Variants in RABGAP1L observed in about 807,000 individuals in gnomAD.
The protein encoded by RABGAP1L is rab GTPase-activating protein 1-like.
Under a neutral mutation model 137.7 loss-of-function variants are expected in RABGAP1L, and 63 were observed. The observed-to-expected ratio is 0.46, with a 90% confidence interval of 0.37 to 0.56. The LOEUF (loss-of-function observed/expected upper bound fraction) is 0.56. Among genes scored for constraint, RABGAP1L ranks in the 20% least tolerant of loss-of-function variants. RABGAP1L has a pLI of 0.00. For synonymous variants in RABGAP1L, 431 were observed against 433.7 expected (o/e 0.99, Z 0.08); for missense variants, 1,095 against 1,244.0 (o/e 0.88, Z 1.80).
At chr1:174,394,295 C>CA (rs1647549077) in intron 13 of RABGAP1L, 150 bp downstream of exon 13, 1 of 858,718 alleles carries the variant, frequency 1.2e-6, no homozygotes, top group Admixed American at 3.0e-5. Flanking sequence ...TTGTTCTGAA[C>CA]ACTTGTAGTG....
At chr1:174,546,601 A>G (rs1389713540) in intron 13 of RABGAP1L, among the ~76,000 whole-genome samples, 1 of 152,222 alleles carries the variant, frequency 6.6e-6, no homozygotes, top group Non-Finnish European at 1.5e-5. Context: ...TTTTCCATAG[A>G]AGGTGCTTTT....
chr1:174,563,210 A>T (rs967258935), intron 13 of RABGAP1L, among the ~76,000 whole-genome samples: 12 of 152,158 alleles, frequency 7.9e-5, no homozygotes, highest in Admixed American at 7.2e-4. Flanking sequence ...TTTGCTATGC[A>T]CTGAGTCGTG....
chr1:174,179,120 G>A (rs1446964752), intron 1 of RABGAP1L, among the ~76,000 whole-genome samples: 1 of 151,956 alleles, frequency 6.6e-6, no homozygotes, highest in African/African-American at 2.4e-5. Flanking sequence ...GTGTTGCCCA[G>A]GCTGTACTCA....
chr1:174,555,271 A>G (rs920832879), intron 13 of RABGAP1L, among the ~76,000 whole-genome samples: 5 of 152,224 alleles, frequency 3.3e-5, no homozygotes, highest in African/African-American at 1.2e-4. Context: ...GCTGTTACTC[A>G]TCACTGCTTA....
At chr1:174,861,095 A>G (rs1650186230) in intron 19 of RABGAP1L, among the ~76,000 whole-genome samples, 1 of 152,140 alleles carries the variant, frequency 6.6e-6, no homozygotes, top group East Asian at 1.9e-4. Flanking sequence ...ACATCTCTCT[A>G]TCTTATCCCC....
intron 19 of RABGAP1L, among the ~76,000 whole-genome samples, chr1:174,890,661 G>A (rs901284734): frequency 1.3e-5 from 2 of 151,842 alleles, no homozygotes; most frequent in African/African-American, 4.8e-5. Flanking sequence ...TTTTTTAGAA[G>A]TATCCTTCTA....
chr1:174,226,484 T>C (rs979109764), intron 3 of RABGAP1L, among the ~76,000 whole-genome samples: 5 of 152,210 alleles, frequency 3.3e-5, no homozygotes, highest in East Asian at 1.9e-4. Flanking sequence ...AGATAACTTA[T>C]AACAGTAGGA....
chr1:174,630,923 G>A (rs1673326800), intron 13 of RABGAP1L, among the ~76,000 whole-genome samples: 1 of 119,708 alleles, frequency 8.4e-6, no homozygotes, highest in Non-Finnish European at 1.7e-5. Flanking sequence ...GTTATTTCTT[G>A]CCTTCTGCTA....
intron 11 of RABGAP1L, among the ~76,000 whole-genome samples, chr1:174,315,161 T>C (rs1477937731): frequency 6.6e-6 from 1 of 152,192 alleles, no homozygotes; most frequent in Admixed American, 6.5e-5. Context: ...TATATCTTGA[T>C]GTTCCAGTGT....
chr1:174,809,223 A>G (rs933626550), intron 18 of RABGAP1L, among the ~76,000 whole-genome samples: 1 of 152,188 alleles, frequency 6.6e-6, no homozygotes, highest in African/African-American at 2.4e-5. Flanking sequence ...TGGGCAATCC[A>G]TGTGATTTGC....
chr1:174,641,881 G>C (rs562103080), intron 14 of RABGAP1L, among the ~76,000 whole-genome samples: 2 of 152,134 alleles, frequency 1.3e-5, no homozygotes, highest in African/African-American at 4.8e-5. Flanking sequence ...TCCTGCGTCA[G>C]TTATTAGCTC....
At chr1:174,747,402 TA>T (rs35889834) in intron 17 of RABGAP1L, among the ~76,000 whole-genome samples, 21,468 of 81,932 alleles carry the variant, frequency 0.26, 3,215 homozygotes, top group African/African-American at 0.53. Flanking sequence ...ATTCTATCTC[TA>T]AAAAAAAAAA....
intron 13 of RABGAP1L, among the ~76,000 whole-genome samples, chr1:174,628,588 T>C (rs1673092939): frequency 6.6e-6 from 1 of 152,152 alleles, no homozygotes; most frequent in South Asian, 2.1e-4. Context: ...GAGGAAACTG[T>C]AGTTTAGCAA....
intron 19 of RABGAP1L, among the ~76,000 whole-genome samples, chr1:174,951,213 A>G (rs1322040815): frequency 6.6e-6 from 1 of 152,204 alleles, no homozygotes; most frequent in Non-Finnish European, 1.5e-5. Context: ...CATATTTGGC[A>G]CTACGTCTAG....
chr1:174,342,641 C>T (rs1682071193), intron 11 of RABGAP1L, among the ~76,000 whole-genome samples: 3 of 151,922 alleles, frequency 2.0e-5, no homozygotes, highest in Non-Finnish European at 4.4e-5. Context: ...TTTAAATCAA[C>T]ATCAGTGTGC....
rs201229186 is a variant in RABGAP1L, at chr1:174,203,898, G to A, written c.-33-15227G>A. 2.8e-4 allele frequency among the ~76,000 whole-genome samples: 42 copies of A among 148,616 alleles called. No homozygotes were observed. In the East Asian group the frequency reaches 8.0e-3, roughly 28 times the overall value. On this transcript the variant is annotated intron_variant, in intron 1 of 25. Coordinates refer to ENST00000681986, the MANE Select transcript of RABGAP1L (RefSeq NM_001366446.1). ...TTCTGATTTGGCTCTTGGCTTAGCT[G>A]TTGTTGGTGTATAGGAATGCTAGTG...
chr1:174,534,512 C>CA (rs2147903114), intron 13 of RABGAP1L, among the ~76,000 whole-genome samples: 1 of 152,112 alleles, frequency 6.6e-6, no homozygotes, highest in South Asian at 2.1e-4. Context: ...CAAGGTGACT[C>CA]ACGCCTGTAA....
intron 19 of RABGAP1L, among the ~76,000 whole-genome samples, chr1:174,907,843 T>A (rs976195446): frequency 5.3e-5 from 8 of 152,082 alleles, no homozygotes; most frequent in Admixed American, 4.6e-4. Context: ...GTATAAATGG[T>A]CTCAGTTCTC....
At chr1:174,705,311 A>G (rs1394816951) in intron 17 of RABGAP1L, 1 of 152,164 alleles carries the variant, frequency 6.6e-6, no homozygotes, top group Non-Finnish European at 1.5e-5. Context: ...TGGAACCTAG[A>G]TTCAAATTTT....
Sources: gnomAD v4.1 joint callset for allele counts (sites outside exome capture counted in the v4.1 genomes callset) on GRCh38, gnomAD v4.1.1 for gene constraint, MANE v1.5 for transcripts, NCBI Gene and HGNC (gene_info 2026-07-23, HGNC 2026-07-21) for gene names.